The following ANKHD1 variants were observed in gnomAD, a reference collection of about 807,000 sequenced individuals.
The protein encoded by ANKHD1 is ankyrin repeat and KH domain-containing protein 1.
ANKHD1 carries 31 observed loss-of-function variants against 230.5 expected under a neutral mutation model. The observed-to-expected ratio is 0.13, with a 90% CI of 0.10 to 0.18. The LOEUF (loss-of-function observed/expected upper bound fraction) is 0.18, where lower values mean the gene tolerates loss of function less well. Among genes scored for constraint, ANKHD1 ranks in the 10% least tolerant of loss-of-function variants. ANKHD1 has a pLI of 1.00. For synonymous variants in ANKHD1, 1,074 were observed against 1,117.6 expected, an observed-to-expected ratio of 0.96 and a Z score of 0.78; for missense variants, 2,256 against 3,071.3, an observed-to-expected ratio of 0.73 and a Z score of 6.27.
rs546503944 is a variant in ANKHD1, at chr5:140,528,934, C to T, written c.5988C>T (p.Ser1996=). The T allele has an allele frequency of 1.9e-5, 31 of 1,614,200 alleles. No individual in the cohort carries two copies. Among genetic ancestry groups the T allele is most frequent in the Admixed American group, 1.2e-4 (7 of 60,022 alleles). The change falls in exon 29 of 34, where the codon AGC becomes AGT. Residue 1996 remains serine (S), a synonymous_variant. Transcript: ENST00000360839. The part of the protein sequence containing the change: ...LPSVSSAPIT[S]GQAPTTFLPA... ...CTGTCTCCTCTGCACCTATCACTAG[C>T]GGGCAAGCTCCCACCACATTTCTAC...
chr5:140,412,504 C>T (rs1433719760), intron 1 of ANKHD1, among the ~76,000 whole-genome samples: 1 of 152,096 alleles, frequency 6.6e-6, no homozygotes, highest in African/African-American at 2.4e-5. Flanking sequence ...TGTAGATCAG[C>T]ATAAGAGAGT....
chr5:140,536,816 G>C (rs564132645), intron 30 of ANKHD1, among the ~76,000 whole-genome samples: 1 of 152,252 alleles, frequency 6.6e-6, no homozygotes, highest in South Asian at 2.1e-4. Flanking sequence ...CTGAGGTTGG[G>C]AGTTTGAGAC....
rs1185035909 is a variant in ANKHD1 at position 140,529,307 on chromosome 5, A to G, written c.6361A>G (p.Ser2121Gly). 5.0e-6 allele frequency: 8 copies of G among 1,614,234 alleles called. No individual in the cohort carries two copies. In the South Asian group the frequency reaches 7.7e-5, roughly 16 times the overall value. ...GGTTGCTGCTGATAATCAGGACACC[A>G]GTAATTTACCTCAGTTAGCTGTACC... The part of the protein sequence containing the change: ...RMVAADNQDT[S>G]NLPQLAVPAP... Residue 2121 changes from serine (S) to glycine (G), a missense_variant, in exon 29 of 34, where the codon AGT (serine) becomes GGT (glycine). Ser to Gly is a moderately conservative substitution (Grantham distance 56). Around this residue, in one of 13 missense-constraint regions of ANKHD1, gnomAD observed 778 missense variants for 966.5 expected, o/e 0.80. Coordinates refer to ENST00000360839, the MANE Select transcript of ANKHD1 (RefSeq NM_017747.3).
intron 24 of ANKHD1, among the ~76,000 whole-genome samples, chr5:140,519,130 T>C (rs1337635010): frequency 6.6e-6 from 1 of 152,082 alleles, no homozygotes; most frequent in Admixed American, 6.6e-5. Context: ...CAAGCATTCT[T>C]ATACACCAAC....
chr5:140,529,427 G>T lies in ANKHD1; in HGVS notation c.6481G>T (p.Val2161Phe). ...TCACCAGGATCCCCAGTCTATTTTT[G>T]TTACGAATCCAGTTACTTTAACACC... is the stretch of plus-strand genomic sequence containing the variant. Reference protein sequence around the residue: ...TIHQDPQSIFVTNPVTLTPPQ... With the variant: ...TIHQDPQSIFFTNPVTLTPPQ... Residue 2161 changes from valine to phenylalanine, a missense_variant, in exon 29 of 34, where the codon GTT becomes TTT. By Grantham distance (50) the Val-to-Phe change is conservative. Coordinates refer to ENST00000360839, the MANE Select transcript of ANKHD1 (RefSeq NM_017747.3). The T allele has an allele frequency of 6.2e-7, 1 of 1,614,128 alleles. No homozygotes were observed. Among genetic ancestry groups the T allele is most frequent in the Non-Finnish European group, 8.5e-7 (1 of 1,180,022 alleles).
At chr5:140,459,088 T>G (rs2126967731) in intron 8 of ANKHD1, 76 bp from the exon 9 acceptor site, 1 of 1,293,320 alleles carries the variant, frequency 7.7e-7, no homozygotes, top group South Asian at 2.5e-5. Context: ...CAGAGATGAT[T>G]ATCACAATTC....
intron 1 of ANKHD1, among the ~76,000 whole-genome samples, chr5:140,434,484 ATATG>A (rs1481710636): frequency 6.7e-6 from 1 of 150,238 alleles, no homozygotes; most frequent in African/African-American, 2.4e-5. Flanking sequence ...ATATACGTAT[ATATG>A]TATATGATAT....
chr5:140,491,147 T>G (rs1441985537), intron 14 of ANKHD1, among the ~76,000 whole-genome samples: 4 of 98,150 alleles, frequency 4.1e-5, no homozygotes, highest in Non-Finnish European at 2.1e-5. Flanking sequence ...CACATATATA[T>G]ATATATATAT....
intron 6 of ANKHD1, among the ~76,000 whole-genome samples, chr5:140,446,825 T>G (rs1774318508): frequency 6.6e-6 from 1 of 151,824 alleles, no homozygotes; most frequent in Non-Finnish European, 1.5e-5. Flanking sequence ...ACTCTAACAG[T>G]TTTATAATCT....
chr5:140,497,574 G>A (rs556650362), intron 15 of ANKHD1, among the ~76,000 whole-genome samples: 24 of 152,144 alleles, frequency 1.6e-4, no homozygotes, highest in Admixed American at 3.9e-4. Flanking sequence ...TTGGGTAGGA[G>A]ATCTCAAAGT....
At chr5:140,513,117 C>T (rs1042243616) in intron 23 of ANKHD1, among the ~76,000 whole-genome samples, 194 bp downstream of exon 23, 25 of 152,154 alleles carry the variant, frequency 1.6e-4, no homozygotes, top group African/African-American at 5.8e-4. Context: ...TACTGTGGAC[C>T]ATAGTCACAG....
chr5:140,414,145 G>A (rs1771164152), intron 1 of ANKHD1, among the ~76,000 whole-genome samples: 1 of 152,128 alleles, frequency 6.6e-6, no homozygotes, highest in Admixed American at 6.6e-5. Flanking sequence ...GAATAATGCT[G>A]TTATGAACAT....
In ANKHD1 at chr5:140,427,656, C is replaced by T. The variant is rs1236863689; in HGVS notation, c.307-8448C>T. ...CTGGCCGGGCGGGGGGCTGACCCCCCCACCTCCCTCCCGGACGGGGCGGCC... is the reference window on the plus strand; with the variant it reads ...CTGGCCGGGCGGGGGGCTGACCCCCTCACCTCCCTCCCGGACGGGGCGGCC... On this transcript the variant is annotated intron_variant, in intron 1 of 33. Coordinates refer to ENST00000360839, the MANE Select transcript of ANKHD1 (RefSeq NM_017747.3). 5.4e-5 allele frequency among the ~76,000 whole-genome samples: 8 copies of T among 147,694 alleles called. No individual in the cohort carries two copies. The East Asian group carries it at 8.2e-4, about 15-fold the overall frequency.
chr5:140,487,039 G>C lies in ANKHD1; in HGVS notation c.2224G>C (p.Ala742Pro). ...PDRTSQENSP[A>P]LLGVQKGTSK... ...CAGAACTTCACAGGAGAACTCTCCTGCCCTTTTAGGAGTGCAAAAAGGTTA... is the reference window on the plus strand; with the variant it reads ...CAGAACTTCACAGGAGAACTCTCCTCCCCTTTTAGGAGTGCAAAAAGGTTA... Residue 742 changes from alanine (A) to proline (P), a missense_variant, in exon 14 of 34, where the codon GCC (alanine) becomes CCC (proline). This residue lies in a region of ANKHD1 where 358 missense variants were observed against 397.7 expected (regional missense o/e 0.90). Coordinates refer to ENST00000360839, the MANE Select transcript of ANKHD1 (RefSeq NM_017747.3). 6.2e-7 allele frequency: 1 copy of C among 1,612,496 alleles called. No homozygotes were observed. Among genetic ancestry groups the C allele is most frequent in the Non-Finnish European group, 8.5e-7 (1 of 1,179,210 alleles).
intron 7 of ANKHD1, among the ~76,000 whole-genome samples, chr5:140,451,747 AT>A (rs753356190): frequency 5.3e-5 from 8 of 152,134 alleles, no homozygotes; most frequent in Non-Finnish European, 1.2e-4. Context: ...GGCTCAAGCT[AT>A]CTGTCTGCCT....
At chr5:140,429,246 A>G (rs1257698208) in intron 1 of ANKHD1, among the ~76,000 whole-genome samples, 2 of 151,178 alleles carry the variant, frequency 1.3e-5, no homozygotes, top group African/African-American at 2.4e-5. Flanking sequence ...GGCGCCTGCC[A>G]CCACGCCCGG....
chr5:140,495,001 A>T (rs952630707), intron 14 of ANKHD1, among the ~76,000 whole-genome samples: 1 of 152,064 alleles, frequency 6.6e-6, no homozygotes, highest in Admixed American at 6.6e-5. Context: ...GACCATCTCC[A>T]TCTGCCCAAA....
At chr5:140,514,914 A>G (rs1238917500) in intron 24 of ANKHD1, among the ~76,000 whole-genome samples, 5 of 148,892 alleles carry the variant, frequency 3.4e-5, no homozygotes, top group South Asian at 2.1e-4. Flanking sequence ...TGAGGCTGCA[A>G]TGAGCTATGA....
chr5:140,530,470 C>T (rs1753765208), intron 29 of ANKHD1, among the ~76,000 whole-genome samples: 1 of 152,214 alleles, frequency 6.6e-6, no homozygotes, highest in Non-Finnish European at 1.5e-5. Flanking sequence ...CTGCCTTGGC[C>T]TTCTAAAATG....
Sources: gnomAD v4.1 joint callset for allele counts (sites outside exome capture counted in the v4.1 genomes callset) on GRCh38, gnomAD v4.1.1 for gene constraint, gnomAD v4.1.1 regional missense constraint, MANE v1.5 for transcripts, NCBI Gene and HGNC (gene_info 2026-07-23, HGNC 2026-07-21) for gene names.